Variants in ATXN7 observed in about 807,000 individuals in gnomAD.
The protein encoded by ATXN7 is ataxin 7, also known as ataxin-7.
Under a neutral mutation model 70.5 loss-of-function variants are expected in ATXN7, and 12 were observed. The ratio of observed to expected loss-of-function variants is 0.17; its 90% CI spans 0.11 to 0.28. The LOEUF (loss-of-function observed/expected upper bound fraction) is 0.28, where lower values mean the gene tolerates loss of function less well. Among genes scored for constraint, ATXN7 ranks in the 10% least tolerant of loss-of-function variants. ATXN7 has a pLI of 1.00. For synonymous variants in ATXN7, 498 were observed against 448.7 expected, an observed-to-expected ratio of 1.11 and a Z score of -1.39; for missense variants, 1,256 against 1,131.7, an observed-to-expected ratio of 1.11 and a Z score of -1.58.
chr3:63,948,769 C>T (rs1457692185), intron 4 of ATXN7, among the ~76,000 whole-genome samples: 1 of 152,108 alleles, frequency 6.6e-6, no homozygotes, highest in East Asian at 1.9e-4. Context: ...CCTGGGGTCT[C>T]CAAAGTACAT....
rs113867179 is a variant in ATXN7 at position 63,915,080 on chromosome 3, C to T, written c.394+1855C>T. On this transcript the variant is annotated intron_variant, in intron 4 of 12. Transcript: ENST00000674280. ...CCTCCCGAGTAGCTGGGACTGCAGG[C>T]GGCGGGCCACCACACCCAGCTAATT... 1.5e-3 allele frequency among the ~76,000 whole-genome samples: 221 copies of T among 152,160 alleles called. 1 individual carries two copies. The highest frequency in any genetic ancestry group is 5.1e-3 in the African/African-American group (213 of 41,494).
chr3:63,981,821 T>C (rs572413272), intron 6 of ATXN7, among the ~76,000 whole-genome samples: 2 of 152,364 alleles, frequency 1.3e-5, no homozygotes, highest in East Asian at 3.9e-4. Flanking sequence ...TCAAAAGATA[T>C]TCTCCAAGGG....
chr3:63,903,699 T>TTGCAGAGGAGCTAACTGAGG (rs1454915361), intron 2 of ATXN7: 1 of 152,176 alleles, frequency 6.6e-6, no homozygotes, highest in Non-Finnish European at 1.5e-5. Flanking sequence ...TATCTTCCTT[T>TTGCAGAGGAGCTAACTGAGG]TGCAGAGGAG....
Position 63,952,430 on chromosome 3 carries a change from T to C in ATXN7, c.446T>C (p.Val149Ala). 1 of 1,612,880 alleles carries C rather than the reference T, an allele frequency of 6.2e-7. No individual in the cohort carries two copies. Among genetic ancestry groups the C allele is most frequent in the Non-Finnish European group, 8.5e-7 (1 of 1,179,728 alleles). Residue 149 changes from valine to alanine, a missense_variant, in exon 5 of 13, where the codon GTG becomes GCG. Transcript: ENST00000674280. ...GCCCATGATGATTTCTACTTGGTGGTGTGTAACGACTGTAATCAGGTTGTC... is the reference window on the plus strand; with the variant it reads ...GCCCATGATGATTTCTACTTGGTGGCGTGTAACGACTGTAATCAGGTTGTC... ...CPAHDDFYLV[V>A]CNDCNQVVKP...
At chr3:63,925,665 C>G (rs116828256) in intron 4 of ATXN7, among the ~76,000 whole-genome samples, 3 of 152,280 alleles carry the variant, frequency 2.0e-5, no homozygotes, top group South Asian at 4.1e-4. Context: ...AATGTAAACT[C>G]CCTAGCAAGG....
At chr3:63,962,133 T>A (rs937821425) in intron 5 of ATXN7, among the ~76,000 whole-genome samples, 5 of 152,276 alleles carry the variant, frequency 3.3e-5, no homozygotes, top group Admixed American at 3.3e-4. Flanking sequence ...ATAGCTAAAT[T>A]TAGCTATTTC....
chr3:63,916,662 G>A (rs1322002578), intron 4 of ATXN7, among the ~76,000 whole-genome samples: 1 of 152,172 alleles, frequency 6.6e-6, no homozygotes, highest in African/African-American at 2.4e-5. Context: ...GTGGCAGAAG[G>A]TTAGAACTCT....
intron 5 of ATXN7, among the ~76,000 whole-genome samples, chr3:63,964,491 G>A (rs991393081): frequency 6.6e-6 from 1 of 152,138 alleles, no homozygotes; most frequent in Admixed American, 6.5e-5. Context: ...ATAATGACTG[G>A]GCTGAGGTCA....
chr3:63,944,984 G>A (rs892038826), intron 4 of ATXN7, among the ~76,000 whole-genome samples: 3 of 152,206 alleles, frequency 2.0e-5, no homozygotes, highest in Non-Finnish European at 4.4e-5. Context: ...TAGAGATGGA[G>A]TTTCACCATG....
chr3:63,978,199 G>A (rs1468325420), intron 5 of ATXN7, among the ~76,000 whole-genome samples: 1 of 152,210 alleles, frequency 6.6e-6, no homozygotes, highest in Non-Finnish European at 1.5e-5. Context: ...CAGTCTCTGA[G>A]GGAGGGACCT....
upstream of ATXN7, chr3:63,863,459 C>A: frequency 8.7e-7 from 1 of 1,149,070 alleles, no homozygotes; most frequent in Non-Finnish European, 1.1e-6. Flanking sequence ...GCCGTCTCGG[C>A]CACCCACGTG....
At chr3:63,985,749 C>T (rs187299216) in intron 8 of ATXN7, among the ~76,000 whole-genome samples, 1 of 152,338 alleles carries the variant, frequency 6.6e-6, no homozygotes, top group Admixed American at 6.5e-5. Flanking sequence ...CTGTGCCTTC[C>T]ACGCGGAGAG....
chr3:63,934,181 T>G (rs922452031), intron 4 of ATXN7, among the ~76,000 whole-genome samples: 4 of 152,186 alleles, frequency 2.6e-5, no homozygotes, highest in African/African-American at 9.7e-5. Flanking sequence ...CCCCCTTGTG[T>G]CCTGTCCTTT....
At position 63,912,630 on chromosome 3, in the gene ATXN7, GGGAGCCGCGCCGCGC is replaced by G; in HGVS notation, c.35_49del (p.Glu12_Ala16del). On this transcript the variant is annotated inframe_deletion, in exon 3 of 13. Transcript: ENST00000674280. ...GAGCGGGCCGCGGATGACGTCAGGG[GGGAGCCGCGCCGCGC>G]GGCGGCGGCGGCGGGCGGAGCAGCG... The G allele has an allele frequency of 1.3e-5, 14 of 1,059,700 alleles. No individual in the cohort carries two copies. Among genetic ancestry groups the G allele is most frequent in the Non-Finnish European group, 1.5e-5 (13 of 869,376 alleles). The allele number at this position is 1,059,700 out of a possible 1,614,324, so 65.6% of individuals were successfully genotyped here.
At chr3:63,975,764 C>A (rs1478078621) in intron 5 of ATXN7, among the ~76,000 whole-genome samples, 1 of 152,220 alleles carries the variant, frequency 6.6e-6, no homozygotes, top group Non-Finnish European at 1.5e-5. Flanking sequence ...CCCTCCTACA[C>A]CACTACTAAT....
At chr3:63,975,050 A>T (rs1413549895) in intron 5 of ATXN7, among the ~76,000 whole-genome samples, 1 of 152,226 alleles carries the variant, frequency 6.6e-6, no homozygotes, top group African/African-American at 2.4e-5. Context: ...GTGTTCACCT[A>T]GTATTTCTTA....
chr3:63,868,861 C>T (rs1287435652), intron 1 of ATXN7, among the ~76,000 whole-genome samples: 1 of 152,128 alleles, frequency 6.6e-6, no homozygotes, highest in Non-Finnish European at 1.5e-5. Context: ...AACCCAGGGA[C>T]TTCATGGGTG....
chr3:63,891,429 C>T (rs1703260847), intron 1 of ATXN7, among the ~76,000 whole-genome samples: 1 of 151,808 alleles, frequency 6.6e-6, no homozygotes, highest in Non-Finnish European at 1.5e-5. Context: ...AGTGATCCTC[C>T]TGCCTCAGCC....
intron 4 of ATXN7, among the ~76,000 whole-genome samples, chr3:63,937,531 A>C (rs2074683824): frequency 6.6e-6 from 1 of 152,246 alleles, no homozygotes; most frequent in African/African-American, 2.4e-5. Flanking sequence ...TATGTGTAAA[A>C]GTAACTTACG....
Sources: gnomAD v4.1 joint callset for allele counts (sites outside exome capture counted in the v4.1 genomes callset) on GRCh38, gnomAD v4.1.1 for gene constraint, MANE v1.5 for transcripts, NCBI Gene and HGNC (gene_info 2026-07-23, HGNC 2026-07-21) for gene names.